The following RCC1L variants were observed in gnomAD, a reference collection of about 807,000 sequenced individuals.
RCC1L encodes RCC1 like, also known as RCC1-like G exchanging factor-like protein.
A neutral mutation model predicts 58.6 loss-of-function variants in RCC1L; 46 were observed. That is an observed-to-expected ratio of 0.79 (90% CI 0.62 to 1.00). The LOEUF (loss-of-function observed/expected upper bound fraction) is 1.00. Among genes scored for constraint, RCC1L ranks in the 50% least tolerant of loss-of-function variants. RCC1L has a pLI of 0.00. For missense variants in RCC1L, 636 were observed against 623.6 expected (o/e 1.02, Z -0.21); for synonymous variants, 281 against 262.9 (o/e 1.07, Z -0.67).
chr7:75,029,352 A>G (rs1052863624), intron 10 of RCC1L, among the ~76,000 whole-genome samples: 15 of 148,154 alleles, frequency 1.0e-4, no homozygotes, highest in African/African-American at 3.7e-4. Context: ...CAGCCCTGCA[A>G]TGGGGGGATC....
intron 8 of RCC1L, 102 bp from the exon 9 acceptor site, chr7:75,056,176 T>G (rs1327646554): frequency 6.1e-6 from 8 of 1,302,982 alleles, no homozygotes; most frequent in Admixed American, 2.0e-5. Context: ...ATCCACACGG[T>G]TTTTTTTTGT....
At position 75,073,433 on chromosome 7, in the gene RCC1L, C is replaced by T; in HGVS notation, c.305G>A (p.Arg102His). The T allele has an allele frequency of 2.3e-6, 3 of 1,328,592 alleles. No individual in the cohort carries two copies. In the South Asian group the frequency reaches 5.4e-5, roughly 24 times the overall value. The allele number at this position is 1,328,592 out of a possible 1,614,324, so 82.3% of individuals were successfully genotyped here. ...PRRRIQPVPY[R>H]LELDQKISSA... is the part of the protein sequence containing the mutation. The stretch of plus-strand genomic sequence containing the variant: ...CTGCACCTTTTGGTCCAGCTCCAGG[C>T]GATAGGGCACGGGCTGGATCCTGCG... The change falls in exon 1 of 11, where the codon CGC (arginine) becomes CAC (histidine). Residue 102 changes from arginine to histidine, a missense_variant. Arg to His is a conservative substitution (Grantham distance 29, BLOSUM62 0). Coordinates refer to ENST00000610322, the MANE Select transcript of RCC1L (RefSeq NM_030798.5).
At chr7:75,055,578 C>G in intron 9 of RCC1L, 2 of 390,268 alleles carry the variant, frequency 5.1e-6, no homozygotes, top group South Asian at 4.5e-5. Flanking sequence ...ATCCGCCAAG[C>G]CTCTGCTGGT....
chr7:75,038,529 CT>C (rs34348635), downstream of RCC1L, among the ~76,000 whole-genome samples: 3,729 of 138,938 alleles, frequency 0.027, 48 homozygotes, highest in Non-Finnish European at 0.034. Context: ...CGCTTCCCGC[CT>C]TTTTTTTTTT....
intron 10 of RCC1L, among the ~76,000 whole-genome samples, chr7:75,047,673 A>G (rs1805769484): frequency 6.6e-6 from 1 of 151,490 alleles, no homozygotes; most frequent in Non-Finnish European, 1.5e-5. Context: ...TTGGAGACAG[A>G]GTATCACTCT....
At chr7:75,064,167 T>C (rs1806372673) in intron 4 of RCC1L, among the ~76,000 whole-genome samples, 1 of 151,626 alleles carries the variant, frequency 6.6e-6, no homozygotes, top group Non-Finnish European at 1.5e-5. Context: ...CCCTCTCTAC[T>C]AAAACTACAA....
At chr7:75,043,240 C>A in intron 10 of RCC1L, 131 bp from the exon 11 acceptor site, 1 of 1,060,436 alleles carries the variant, frequency 9.4e-7, no homozygotes, top group Non-Finnish European at 1.4e-6. Context: ...CAGCAGGAGA[C>A]AGCTTGTCTC....
rs1359212123 is a variant in RCC1L, at chr7:75,061,411, C to A, written c.703-120G>T. 15 of 798,430 alleles carry A rather than the reference C, an allele frequency of 1.9e-5. No homozygotes were observed. The Admixed American group carries it at 2.7e-4, about 14-fold the overall frequency. 49.5% of individuals were successfully genotyped at this position (798,430 alleles called of 1,614,324 possible). A position where few individuals can be genotyped will look rare whatever the true frequency, so the allele number is the denominator to read the frequency against. On this transcript the variant is annotated intron_variant, in intron 5 of 10. Coordinates refer to ENST00000610322, the MANE Select transcript of RCC1L (RefSeq NM_030798.5). ...CTGGGCACCTGGAGCATGGTCCAGG[C>A]AGACTGCTCCATGCTCATCTTACTC...
chr7:75,061,028 C>T (rs983740295), intron 6 of RCC1L, among the ~76,000 whole-genome samples, 179 bp downstream of exon 6: 13 of 152,022 alleles, frequency 8.6e-5, no homozygotes, highest in African/African-American at 2.7e-4. Context: ...GAGATGTGAT[C>T]GCGCCACTGC....
At chr7:75,043,638 C>A (rs897685710) in intron 10 of RCC1L, among the ~76,000 whole-genome samples, 1 of 152,106 alleles carries the variant, frequency 6.6e-6, no homozygotes, top group Non-Finnish European at 1.5e-5. Flanking sequence ...CCAAGGCAGG[C>A]GGATCACGTG....
Position 75,042,754 on chromosome 7 carries a change from A to T in RCC1L, c.*278T>A, listed in dbSNP as rs1366976752. The T allele has an allele frequency of 1.4e-6, 2 of 1,381,164 alleles. No individual in the cohort carries two copies. Among genetic ancestry groups the T allele is most frequent in the African/African-American group, 1.5e-5 (1 of 68,396 alleles). The allele number at this position is 1,381,164 out of a possible 1,614,324, so 85.6% of individuals were successfully genotyped here. A position where few individuals can be genotyped will look rare whatever the true frequency, so the allele number is the denominator to read the frequency against. ...GAGACGTGACACCAGACACCGTCGC[A>T]TGTTACTTGGAGAGAACAGAGACGT... On this transcript the variant is annotated 3_prime_UTR_variant, in exon 11 of 11. Transcript: ENST00000610322.
At chr7:75,070,549 A>C in intron 2 of RCC1L, 91 bp downstream of exon 2, 12 of 1,519,732 alleles carry the variant, frequency 7.9e-6, no homozygotes, top group Non-Finnish European at 1.1e-5. Flanking sequence ...CTAGCCTGGC[A>C]ACAGACTGAG....
chr7:75,059,407 AT>A (rs1806203331), intron 6 of RCC1L, among the ~76,000 whole-genome samples: 1 of 151,620 alleles, frequency 6.6e-6, no homozygotes, highest in Non-Finnish European at 1.5e-5. Flanking sequence ...AGTAGCTGAG[AT>A]TACAGGCACG....
At position 75,073,663 on chromosome 7, in the gene RCC1L, G is replaced by C. The variant is rs1554446560; in HGVS notation, c.75C>G (p.His25Gln). Residue 25 changes from histidine (H) to glutamine (Q), a missense_variant, in exon 1 of 11, where the codon CAC becomes CAG. By Grantham distance (24) the His-to-Gln change is conservative (BLOSUM62 0). Coordinates refer to ENST00000610322, the MANE Select transcript of RCC1L (RefSeq NM_030798.5). ...TCCGGGAGCGCCCGGCCGCCGTCCA[G>C]TGCCCTCGCCCCAGCCCCGGCCCGC... is the stretch of plus-strand genomic sequence containing the variant. The part of the protein sequence containing the change: ...RLSGPGLGRG[H>Q]WTAAGRSRSR... 3 of 1,485,004 alleles carry C rather than the reference G, an allele frequency of 2.0e-6. No individual in the cohort carries two copies. Among genetic ancestry groups the C allele is most frequent in the Non-Finnish European group, 2.7e-6 (3 of 1,125,808 alleles). The allele number at this position is 1,485,004 out of a possible 1,614,324, so 92.0% of individuals were successfully genotyped here.
rs1346971926 is a variant in RCC1L, at chr7:75,058,578, G to T, written c.969+10C>A. On this transcript the variant is annotated intron_variant, in intron 7 of 10. Transcript: ENST00000610322. ...AACCTCCCAGCACCACGCTGTCGGCGACTGCATACCTGTGTGGAGTCAGTG... is the reference window on the plus strand; with the variant it reads ...AACCTCCCAGCACCACGCTGTCGGCTACTGCATACCTGTGTGGAGTCAGTG... 4 of 1,592,952 alleles carry T rather than the reference G, an allele frequency of 2.5e-6. No individual in the cohort carries two copies. The highest frequency in any genetic ancestry group is 1.1e-5 in the South Asian group (1 of 88,950).
At chr7:75,061,039 A>G (rs1465757478) in intron 6 of RCC1L, among the ~76,000 whole-genome samples, 168 bp downstream of exon 6, 1 of 152,124 alleles carries the variant, frequency 6.6e-6, no homozygotes, top group African/African-American at 2.4e-5. Context: ...GCGCCACTGC[A>G]CTCCAGCTTG....
chr7:75,038,337 C>T (rs1038810847), downstream of RCC1L, among the ~76,000 whole-genome samples: 19 of 152,104 alleles, frequency 1.2e-4, 1 homozygote, highest in African/African-American at 4.6e-4. Context: ...CTGCAACCTC[C>T]GCCTCCCCAG....
In RCC1L at chr7:75,070,769, T is replaced by C. The variant is rs1554445971; in HGVS notation, c.325A>G (p.Ile109Val). ...VPYRLELDQK[I>V]SSAACGYGFT... ...CCATAGCCGCAAGCAGCAGATGAAA[T>C]CTGAAAAGCAGTTCCCACAAAGCAT... The change falls in exon 2 of 11, where the codon ATT becomes GTT. Residue 109 changes from isoleucine to valine, a missense_variant and splice_region_variant. Physicochemically the swap from Ile to Val is conservative, Grantham distance 29. Transcript: ENST00000610322. The C allele has an allele frequency of 2.5e-6, 4 of 1,613,744 alleles. No individual in the cohort carries two copies. The South Asian group carries it at 3.3e-5, about 13-fold the overall frequency.
At chr7:75,056,849 C>A in intron 8 of RCC1L, 1 of 959,140 alleles carries the variant, frequency 1.0e-6, no homozygotes, top group Non-Finnish European at 1.6e-6. Flanking sequence ...AACAGGGTCT[C>A]ACCGTGTTGC....
Sources: gnomAD v4.1 joint callset for allele counts (sites outside exome capture counted in the v4.1 genomes callset) on GRCh38, gnomAD v4.1.1 for gene constraint, MANE v1.5 for transcripts, NCBI Gene and HGNC (gene_info 2026-07-23, HGNC 2026-07-21) for gene names.